The following COL5A2 variants were observed in gnomAD, a reference collection of about 807,000 sequenced individuals.
The protein encoded by COL5A2 is collagen type V alpha 2 chain.
A neutral mutation model predicts 208.2 loss-of-function variants in COL5A2; 23 were observed. That is an observed-to-expected ratio of 0.11 (90% confidence interval 0.08 to 0.16). COL5A2 has a LOEUF of 0.16. Ranked by LOEUF, COL5A2 falls within the 10% of genes least tolerant of loss-of-function variation. The pLI, the probability that COL5A2 is intolerant of heterozygous loss-of-function variation, is 1.00. For synonymous variants in COL5A2, 625 were observed against 628.5 expected, an observed-to-expected ratio of 0.99 and a Z score of 0.08; for missense variants, 1,590 against 1,956.4, an observed-to-expected ratio of 0.81 and a Z score of 3.53.
At chr2:189,378,917 ATTTAT>A in the COL5A2 span, among the ~76,000 whole-genome samples, 1 of 152,140 alleles carries the variant, frequency 6.6e-6, no homozygotes, top group African/African-American at 2.4e-5. Context: ...TATGACTATT[ATTTAT>A]TTTATTATAT....
intron 17 of COL5A2, among the ~76,000 whole-genome samples, chr2:189,073,460 A>G (rs1576508763): frequency 6.6e-6 from 1 of 152,156 alleles, no homozygotes; most frequent in East Asian, 1.9e-4. Context: ...ACCCTGTGAA[A>G]TCATCTGTAG....
chr2:189,106,274 ATACT>A (rs1377306951), intron 2 of COL5A2, among the ~76,000 whole-genome samples: 2 of 151,432 alleles, frequency 1.3e-5, no homozygotes, highest in African/African-American at 4.8e-5. Context: ...AGTCTTTTAA[ATACT>A]TAGTTTGAAT....
rs143135434 is a variant in COL5A2 at position 189,100,344 on chromosome 2, T to TA, written c.337-206dup. Among the ~76,000 whole-genome samples, 1,015 of 152,078 alleles carry TA rather than the reference T, an allele frequency of 6.7e-3. 11 individuals carry two copies. The highest frequency in any genetic ancestry group is 0.024 in the African/African-American group (984 of 41,474). ...AATATTACTGCTCACCTGAAAGACA[T>TA]AAAAAAATCCAGCGTGTGAAATATG... On this transcript the variant is annotated intron_variant, in intron 3 of 53. Coordinates refer to ENST00000374866, the MANE Select transcript of COL5A2 (RefSeq NM_000393.5).
chr2:189,188,598 C>T (rs561649143), intron 1 of COL5A2, among the ~76,000 whole-genome samples: 1 of 152,284 alleles, frequency 6.6e-6, no homozygotes, highest in Admixed American at 6.5e-5. Context: ...CTGAGAGAAG[C>T]TTTTTAAATG....
the COL5A2 span, among the ~76,000 whole-genome samples, chr2:189,342,253 A>C: frequency 2.0e-5 from 3 of 150,202 alleles, no homozygotes; most frequent in Non-Finnish European, 3.0e-5. Context: ...AGATAAATAG[A>C]ACAAATGATG....
intron 2 of COL5A2, among the ~76,000 whole-genome samples, chr2:189,108,852 T>A (rs1687201836): frequency 6.6e-6 from 1 of 151,946 alleles, no homozygotes; most frequent in African/African-American, 2.4e-5. Context: ...CTCCTTATGA[T>A]CCCTCATATT....
At chr2:189,176,927 A>G (rs1339489584) in intron 1 of COL5A2, among the ~76,000 whole-genome samples, 1 of 152,244 alleles carries the variant, frequency 6.6e-6, no homozygotes, top group Non-Finnish European at 1.5e-5. Flanking sequence ...TCAGTTCTTA[A>G]AACTCAGTGA....
At chr2:189,241,207 C>T in the COL5A2 span, among the ~76,000 whole-genome samples, 11 of 152,106 alleles carry the variant, frequency 7.2e-5, no homozygotes, top group Admixed American at 3.3e-4. Context: ...TCCCTTTTTT[C>T]CCTTAATTAC....
the COL5A2 span, among the ~76,000 whole-genome samples, chr2:189,278,410 TTCAG>T: frequency 1.3e-5 from 2 of 152,166 alleles, no homozygotes; most frequent in East Asian, 3.9e-4. Context: ...AAGGAGAACA[TTCAG>T]TCAGTCAGTC....
At chr2:189,364,422 C>G in the COL5A2 span, among the ~76,000 whole-genome samples, 10 of 152,272 alleles carry the variant, frequency 6.6e-5, no homozygotes, top group East Asian at 1.9e-3. Context: ...CCCGGTGGCT[C>G]ACGCCTCTAA....
At chr2:189,126,583 A>C (rs900653626) in intron 1 of COL5A2, among the ~76,000 whole-genome samples, 5 of 152,142 alleles carry the variant, frequency 3.3e-5, no homozygotes, top group Non-Finnish European at 5.9e-5. Flanking sequence ...AGGAAGAATA[A>C]ATTAGGCTTT....
intron 1 of COL5A2, among the ~76,000 whole-genome samples, chr2:189,195,923 A>T (rs189031987): frequency 6.6e-5 from 10 of 152,360 alleles, no homozygotes; most frequent in Admixed American, 2.6e-4. Context: ...AAAATGCCAA[A>T]AACAATTGCG....
the COL5A2 span, among the ~76,000 whole-genome samples, chr2:189,357,451 C>T: frequency 2.1e-3 from 315 of 152,248 alleles, no homozygotes; most frequent in Non-Finnish European, 3.5e-3. Flanking sequence ...CTGGCTGCAG[C>T]GGCCTTGCTG....
chr2:189,437,125 G>A, the COL5A2 span, among the ~76,000 whole-genome samples: 3 of 152,124 alleles, frequency 2.0e-5, no homozygotes, highest in African/African-American at 7.2e-5. Context: ...ATGATCTAGG[G>A]TAAGTTAGCA....
chr2:189,353,905 G>A, the COL5A2 span, among the ~76,000 whole-genome samples: 7 of 152,116 alleles, frequency 4.6e-5, no homozygotes, highest in Non-Finnish European at 1.0e-4. Flanking sequence ...TGCCCATTTA[G>A]TATGATATTG....
At chr2:189,283,078 T>TA in the COL5A2 span, among the ~76,000 whole-genome samples, 1 of 152,048 alleles carries the variant, frequency 6.6e-6, no homozygotes, top group South Asian at 2.1e-4. Flanking sequence ...ACAAAATAGG[T>TA]AAGTATTTTT....
At chr2:189,103,621 G>A (rs7425309) in intron 3 of COL5A2, among the ~76,000 whole-genome samples, 19,933 of 151,980 alleles carry the variant, frequency 0.13, 1,329 homozygotes, top group Middle Eastern at 0.19. Context: ...TTACCTTATT[G>A]ATGGCAAGTG....
At chr2:189,162,009 T>A (rs1688376107) in intron 1 of COL5A2, among the ~76,000 whole-genome samples, 1 of 152,052 alleles carries the variant, frequency 6.6e-6, no homozygotes, top group African/African-American at 2.4e-5. Flanking sequence ...ATAAGGAAAA[T>A]AACAGAGTTC....
chr2:189,075,338 A>G (rs1405587810), intron 17 of COL5A2, 55 bp downstream of exon 17: 50 of 1,290,004 alleles, frequency 3.9e-5, no homozygotes, highest in Non-Finnish European at 5.5e-5. Context: ...TGAATGTACA[A>G]ATGGAAGAAT....
Sources: gnomAD v4.1 joint callset for allele counts (sites outside exome capture counted in the v4.1 genomes callset) on GRCh38, gnomAD v4.1.1 for gene constraint, MANE v1.5 for transcripts, NCBI Gene and HGNC (gene_info 2026-07-23, HGNC 2026-07-21) for gene names.